Variants in LPA observed in about 807,000 individuals in gnomAD.
LPA encodes the protein lipoprotein(a).
LPA carries 199 observed loss-of-function variants against 197.9 expected under a neutral mutation model. The ratio of observed to expected loss-of-function variants is 1.01; its 90% CI spans 0.90 to 1.13. The LOEUF (loss-of-function observed/expected upper bound fraction) is 1.13, where lower values mean the gene tolerates loss of function less well. Among genes scored for constraint, LPA ranks in the 50% most tolerant of loss-of-function variants. The pLI is 0.00. For missense variants in LPA, 1,853 were observed against 1,785.8 expected, an observed-to-expected ratio of 1.04 and a Z score of -0.68; for synonymous variants, 715 against 639.5, an observed-to-expected ratio of 1.12 and a Z score of -1.78.
intron 1 of LPA, among the ~76,000 whole-genome samples, chr6:160,662,478 T>C (rs1780243248): frequency 6.6e-6 from 1 of 152,192 alleles, no homozygotes; most frequent in African/African-American, 2.4e-5. Flanking sequence ...ACAGAAAGCC[T>C]GGCTTTCCAA....
At position 160,634,943 on chromosome 6, in the gene LPA, G is replaced by T. The variant is rs539783384; in HGVS notation, c.1075+180C>A. The stretch of plus-strand genomic sequence containing the variant: ...TCTAAAGACAAAGCCCACCCAAGTT[G>T]CACCAGAAATCACTCCGCTGGCTCC... On this transcript the variant is annotated intron_variant, in intron 7 of 38. Coordinates refer to ENST00000316300, the MANE Select transcript of LPA (RefSeq NM_005577.4). Among the ~76,000 whole-genome samples, 126 of 150,328 alleles carry T rather than the reference G, an allele frequency of 8.4e-4. 19 individuals carry two copies. Among genetic ancestry groups the T allele is most frequent in the African/African-American group, 3.0e-3 (117 of 39,654 alleles).
chr6:160,554,702 C>T (rs1359014969), intron 30 of LPA, among the ~76,000 whole-genome samples: 1 of 151,956 alleles, frequency 6.6e-6, no homozygotes. Flanking sequence ...GTTCTCTGTC[C>T]CACTTTGTAG....
chr6:160,572,757 T>C (rs1778585657), intron 28 of LPA, among the ~76,000 whole-genome samples: 1 of 152,232 alleles, frequency 6.6e-6, no homozygotes, highest in African/African-American at 2.4e-5. Flanking sequence ...GCTTGTACAG[T>C]TCCTGCTGAA....
rs1253111200 is a variant in LPA, at chr6:160,531,886, T to A, written c.5966A>T (p.Asp1989Val). Reference sequence around the variant, plus strand: ...GAAGCAAACCAGAGGCCCTCCACTGTCACCCTAAACAGAGGTAGGGGAAAA... The same window carrying A: ...GAAGCAAACCAGAGGCCCTCCACTGACACCCTAAACAGAGGTAGGGGAAAA... ...LARGTDSCQG[D>V]SGGPLVCFEK... The change falls in exon 39 of 39, where the codon GAC becomes GTC. Residue 1989 changes from aspartate to valine, a missense_variant. Around this residue, in one of 3 missense-constraint regions of LPA, gnomAD observed 1,737 missense variants for 1,504.4 expected, o/e 1.15. Coordinates refer to ENST00000316300, the MANE Select transcript of LPA (RefSeq NM_005577.4). 2 of 1,614,030 alleles carry A rather than the reference T, an allele frequency of 1.2e-6. No individual in the cohort carries two copies. Among genetic ancestry groups the A allele is most frequent in the Non-Finnish European group, 1.7e-6 (2 of 1,179,950 alleles).
At chr6:160,545,161 C>T (rs1021246273) in intron 33 of LPA, among the ~76,000 whole-genome samples, 8 of 151,916 alleles carry the variant, frequency 5.3e-5, no homozygotes, top group Non-Finnish European at 8.8e-5. Context: ...GGGACTATCC[C>T]GGGCTGATTA....
chr6:160,606,777 A>G, intron 16 of LPA, 119 bp from the exon 17 acceptor site: 1 of 1,466,582 alleles, frequency 6.8e-7, no homozygotes, highest in Non-Finnish European at 9.5e-7. Context: ...ATTCCCATAA[A>G]AGTACCATAT....
In LPA at chr6:160,595,384, C is replaced by T. The variant is rs182746977; in HGVS notation, c.3439G>A (p.Asp1147Asn). The part of the protein sequence containing the change: ...SVLATLTVVP[D>N]PSTEASSEEA... Reference sequence around the variant, plus strand: ...TCAGAAGAAGCCTCTGTGCTTGGATCTGGGACCACCGTGAGAGTTGCAAGG... The same window carrying T: ...TCAGAAGAAGCCTCTGTGCTTGGATTTGGGACCACCGTGAGAGTTGCAAGG... Residue 1147 changes from aspartate to asparagine, a missense_variant, in exon 21 of 39, where the codon GAT (aspartate) becomes AAT (asparagine). Asp to Asn is a conservative substitution (Grantham distance 23). Around this residue, in one of 3 missense-constraint regions of LPA, gnomAD observed 1,737 missense variants for 1,504.4 expected, o/e 1.15. Transcript: ENST00000316300. The T allele has an allele frequency of 1.2e-6, 2 of 1,613,342 alleles. No individual in the cohort carries two copies. Among genetic ancestry groups the T allele is most frequent in the East Asian group, 2.2e-5 (1 of 44,874 alleles).
At chr6:160,571,416 C>G (rs185024090) in intron 28 of LPA, among the ~76,000 whole-genome samples, 41 of 152,286 alleles carry the variant, frequency 2.7e-4, no homozygotes, top group Non-Finnish European at 1.5e-5. Flanking sequence ...GTTGGGGGAT[C>G]TGGTGCTCTT....
intron 28 of LPA, among the ~76,000 whole-genome samples, chr6:160,563,641 C>A (rs1018262374): frequency 6.6e-6 from 1 of 151,676 alleles, no homozygotes; most frequent in African/African-American, 2.4e-5. Flanking sequence ...TCTGTCACGT[C>A]GATCTAATAT....
intron 37 of LPA, among the ~76,000 whole-genome samples, chr6:160,533,177 T>A (rs1308639364): frequency 3.9e-5 from 6 of 152,284 alleles, no homozygotes; most frequent in Non-Finnish European, 7.4e-5. Flanking sequence ...AAAAATGTCC[T>A]GGAAATATGG....
intron 19 of LPA, among the ~76,000 whole-genome samples, chr6:160,599,968 T>C (rs1035531123): frequency 2.6e-5 from 4 of 152,176 alleles, no homozygotes; most frequent in African/African-American, 9.7e-5. Context: ...CTACAGAGTG[T>C]TCATGACGAC....
At chr6:160,610,969 C>G (rs910521529) in intron 16 of LPA, among the ~76,000 whole-genome samples, 1 of 152,124 alleles carries the variant, frequency 6.6e-6, no homozygotes, top group Non-Finnish European at 1.5e-5. Flanking sequence ...TCCATCTACC[C>G]ATCCCTTTTA....
At chr6:160,580,434 TA>T (rs1179592076) in intron 26 of LPA, among the ~76,000 whole-genome samples, 1 of 152,202 alleles carries the variant, frequency 6.6e-6, no homozygotes, top group East Asian at 1.9e-4. Flanking sequence ...AGAATAGAAT[TA>T]CAGGTTTGTA....
intron 2 of LPA, among the ~76,000 whole-genome samples, chr6:160,649,223 TCTC>T (rs919636855): frequency 6.6e-6 from 1 of 152,198 alleles, no homozygotes; most frequent in African/African-American, 2.4e-5. Flanking sequence ...GTGAAGTCTC[TCTC>T]CTCTGTGTGG....
chr6:160,603,255 T>C (rs1026828378), intron 18 of LPA, among the ~76,000 whole-genome samples: 4 of 151,714 alleles, frequency 2.6e-5, no homozygotes, highest in African/African-American at 9.7e-5. Flanking sequence ...TGTGTGTGTG[T>C]GTGTGCGTGC....
chr6:160,570,374 C>T (rs1242971579), intron 28 of LPA, among the ~76,000 whole-genome samples: 4 of 152,172 alleles, frequency 2.6e-5, no homozygotes, highest in Non-Finnish European at 5.9e-5. Flanking sequence ...TCTCAGCAAA[C>T]TATCACAAGG....
intron 23 of LPA, among the ~76,000 whole-genome samples, chr6:160,590,128 C>T (rs763962236): frequency 6.6e-6 from 1 of 152,170 alleles, no homozygotes; most frequent in South Asian, 2.1e-4. Flanking sequence ...AGCACTGATC[C>T]TCCAAAGCCA....
intron 30 of LPA, among the ~76,000 whole-genome samples, chr6:160,553,933 C>G (rs569080538): frequency 0.059 from 4,071 of 68,886 alleles, 194 homozygotes; most frequent in African/African-American, 0.16. Flanking sequence ...CTCTCTCTCT[C>G]TCTCTGTGTG....
chr6:160,596,148 C>T (rs1330518082), intron 20 of LPA, among the ~76,000 whole-genome samples: 1 of 152,200 alleles, frequency 6.6e-6, no homozygotes, highest in East Asian at 1.9e-4. Context: ...ATCTTCTTTT[C>T]AGCTTTCAGA....
Sources: gnomAD v4.1 joint callset for allele counts (sites outside exome capture counted in the v4.1 genomes callset) on GRCh38, gnomAD v4.1.1 for gene constraint, gnomAD v4.1.1 regional missense constraint, MANE v1.5 for transcripts, NCBI Gene and HGNC (gene_info 2026-07-23, HGNC 2026-07-21) for gene names.